Variants in GALNT10 observed in about 807,000 individuals in gnomAD.
GALNT10 encodes the protein GalNAc transferase 10.
Under a neutral mutation model 75.0 loss-of-function variants are expected in GALNT10, and 41 were observed. The ratio of observed to expected loss-of-function variants is 0.55; its 90% CI spans 0.43 to 0.71. GALNT10 has a LOEUF of 0.71. Ranked by LOEUF, GALNT10 falls within the 30% of genes least tolerant of loss-of-function variation. The pLI is 0.00. For synonymous variants in GALNT10, 302 were observed against 313.0 expected, an observed-to-expected ratio of 0.96 and a Z score of 0.37; for missense variants, 727 against 818.5, an observed-to-expected ratio of 0.89 and a Z score of 1.36.
At chr5:154,192,796 T>C (rs1321394224) in intron 1 of GALNT10, among the ~76,000 whole-genome samples, 1 of 152,120 alleles carries the variant, frequency 6.6e-6, no homozygotes, top group East Asian at 1.9e-4. Flanking sequence ...TGTAGCCCAT[T>C]CTAAAATAGT....
intron 4 of GALNT10, among the ~76,000 whole-genome samples, chr5:154,359,213 C>T (rs1014614207): frequency 2.6e-5 from 4 of 152,126 alleles, no homozygotes; most frequent in Non-Finnish European, 5.9e-5. Flanking sequence ...CACAGCCATC[C>T]GCAGAGGCAG....
Position 154,416,155 on chromosome 5 carries a change from T to C in GALNT10, c.1653+223T>C, listed in dbSNP as rs1176716139. On this transcript the variant is annotated intron_variant, in intron 11 of 11. Transcript: ENST00000297107. The surrounding 1 kb of genome is among the most constrained non-coding windows in gnomAD (Gnocchi z 4.5). ...AACTGATTCCATTTAAAAAGAAAAG[T>C]GCAGCCGGGCACAGTGGCTCATGCC... Among the ~76,000 whole-genome samples, 2 of 152,124 alleles carry C rather than the reference T, an allele frequency of 1.3e-5. No individual in the cohort carries two copies. Among genetic ancestry groups the C allele is most frequent in the Non-Finnish European group, 2.9e-5 (2 of 68,018 alleles).
chr5:154,382,551 T>C (rs929503995), intron 6 of GALNT10, among the ~76,000 whole-genome samples: 1 of 152,222 alleles, frequency 6.6e-6, no homozygotes, highest in Non-Finnish European at 1.5e-5. Context: ...TTATTGTGCA[T>C]GATCCTTATA....
In GALNT10 at chr5:154,376,087, T is replaced by C. The variant is rs1051309491; in HGVS notation, c.569-190T>C. On this transcript the variant is annotated intron_variant, in intron 4 of 11. Transcript: ENST00000297107. The surrounding 1 kb of genome is among the most constrained non-coding windows in gnomAD (Gnocchi z 4.1). ...ACCTTCACTGGACCTCTTTAAGCCT[T>C]AATTTCTCCATCTGTAGTACACAGG... Among the ~76,000 whole-genome samples the C allele has an allele frequency of 6.6e-6, 1 of 152,202 alleles. No homozygotes were observed. Among genetic ancestry groups the C allele is most frequent in the Non-Finnish European group, 1.5e-5 (1 of 68,036 alleles).
chr5:154,289,129 A>G (rs1194863482), intron 1 of GALNT10, among the ~76,000 whole-genome samples: 1 of 152,192 alleles, frequency 6.6e-6, no homozygotes, highest in Admixed American at 6.5e-5. Flanking sequence ...ACTGGAACAT[A>G]CCGTGTTTTC....
intron 2 of GALNT10, among the ~76,000 whole-genome samples, chr5:154,296,129 C>G (rs1422105213): frequency 1.3e-5 from 2 of 152,152 alleles, no homozygotes; most frequent in Non-Finnish European, 2.9e-5. Context: ...CTCTGTCACC[C>G]AAGCTGGAAT....
chr5:154,253,285 C>T (rs898920549), intron 1 of GALNT10, among the ~76,000 whole-genome samples: 14 of 150,070 alleles, frequency 9.3e-5, no homozygotes, highest in Admixed American at 5.4e-4. Flanking sequence ...AGCAAATTAT[C>T]GCGAGGACAA....
chr5:154,286,683 T>C (rs1754117067), intron 1 of GALNT10, among the ~76,000 whole-genome samples: 1 of 152,216 alleles, frequency 6.6e-6, no homozygotes, highest in Non-Finnish European at 1.5e-5. Flanking sequence ...TTTGAAACAA[T>C]GGCTCCTATC....
At chr5:154,337,551 C>G in intron 4 of GALNT10, 1 of 755,952 alleles carries the variant, frequency 1.3e-6, no homozygotes, top group Non-Finnish European at 2.4e-6. Flanking sequence ...GAAGTATTGG[C>G]CTCCATCACC....
chr5:154,409,339 C>T lies in GALNT10; in HGVS notation c.1165-202C>T, dbSNP rs996643041. The T allele has an allele frequency of 3.9e-5, 24 of 610,498 alleles. No individual in the cohort carries two copies. Among genetic ancestry groups the T allele is most frequent in the South Asian group, 1.4e-4 (7 of 51,798 alleles). The allele number at this position is 610,498 out of a possible 1,614,324, so 37.8% of individuals were successfully genotyped here. ...AGGCAAAACAACAGCAGCCTATGGG[C>T]CAACTATAAGCTGTGAAGCCCTTAA... On this transcript the variant is annotated intron_variant, in intron 8 of 11. Transcript: ENST00000297107. The surrounding 1 kb of genome is among the most constrained non-coding windows in gnomAD (Gnocchi z 4.5).
At chr5:154,205,182 G>A (rs1775087543) in intron 1 of GALNT10, among the ~76,000 whole-genome samples, 1 of 152,170 alleles carries the variant, frequency 6.6e-6, no homozygotes, top group Non-Finnish European at 1.5e-5. Context: ...GAGATCAGAA[G>A]GCCTCAAAAG....
chr5:154,214,232 C>CAA (rs534924711), intron 1 of GALNT10, among the ~76,000 whole-genome samples: 5 of 144,938 alleles, frequency 3.4e-5, no homozygotes, highest in South Asian at 2.2e-4. Flanking sequence ...AAATCAAGCA[C>CAA]AAAAAAAAAA....
At chr5:154,276,865 G>A (rs1753960999) in intron 1 of GALNT10, among the ~76,000 whole-genome samples, 1 of 152,112 alleles carries the variant, frequency 6.6e-6, no homozygotes, top group African/African-American at 2.4e-5. Context: ...TGTTTGAACT[G>A]AACCTCAGAA....
chr5:154,397,206 T>A (rs1463887070), intron 7 of GALNT10, among the ~76,000 whole-genome samples: 8 of 145,118 alleles, frequency 5.5e-5, no homozygotes, highest in South Asian at 2.2e-4. Flanking sequence ...TTTTTTTTTT[T>A]ACCAGCTGCA....
chr5:154,369,052 G>A (rs1463540411), intron 4 of GALNT10, among the ~76,000 whole-genome samples: 1 of 152,166 alleles, frequency 6.6e-6, no homozygotes, highest in Non-Finnish European at 1.5e-5. Flanking sequence ...CTTTGTCTAA[G>A]AAAGTTGTCA....
intron 3 of GALNT10, among the ~76,000 whole-genome samples, chr5:154,321,378 C>T (rs1297970167): frequency 7.2e-5 from 11 of 151,912 alleles, no homozygotes; most frequent in East Asian, 1.9e-4. Flanking sequence ...AATCTTGGCT[C>T]GCTGCAACCT....
At position 154,386,313 on chromosome 5, in the gene GALNT10, G is replaced by A. The variant is rs768084638; in HGVS notation, c.939G>A (p.Glu313=). The change falls in exon 7 of 12, where the codon GAG becomes GAA. Residue 313 remains glutamate (E), a splice_region_variant and synonymous_variant. Coordinates refer to ENST00000297107, the MANE Select transcript of GALNT10 (RefSeq NM_198321.4). ...ACACCATGTTCTTCTTCTCTGACAGGTCTCCCGTGATGGCCGGTGGACTGT... is the reference window on the plus strand; with the variant it reads ...ACACCATGTTCTTCTTCTCTGACAGATCTCCCGTGATGGCCGGTGGACTGT... The part of the protein sequence containing the change: ...LQKADPSDPF[E]SPVMAGGLFA... The A allele has an allele frequency of 1.2e-6, 2 of 1,611,052 alleles. No individual in the cohort carries two copies. Among genetic ancestry groups the A allele is most frequent in the Admixed American group, 1.7e-5 (1 of 59,958 alleles).
At chr5:154,379,352 A>G (rs943720296) in intron 5 of GALNT10, among the ~76,000 whole-genome samples, 21 of 152,250 alleles carry the variant, frequency 1.4e-4, no homozygotes, top group African/African-American at 5.1e-4. Flanking sequence ...CCACCTATGG[A>G]CCGTGCCTTG....
intron 1 of GALNT10, among the ~76,000 whole-genome samples, chr5:154,270,622 G>A (rs954311824): frequency 6.6e-6 from 1 of 152,136 alleles, no homozygotes; most frequent in African/African-American, 2.4e-5. Context: ...CAGTCAGCTG[G>A]ATGAAGTATC....
Sources: gnomAD v4.1 joint callset for allele counts (sites outside exome capture counted in the v4.1 genomes callset) on GRCh38, gnomAD v4.1.1 for gene constraint, Gnocchi (gnomAD v3.1) non-coding constraint, MANE v1.5 for transcripts, NCBI Gene and HGNC (gene_info 2026-07-23, HGNC 2026-07-21) for gene names.